The following COL27A1 variants were observed in gnomAD, a reference collection of about 807,000 sequenced individuals.
The protein encoded by COL27A1 is collagen alpha-1(XXVII) chain.
A neutral mutation model predicts 251.3 loss-of-function variants in COL27A1; 106 were observed. The observed-to-expected ratio is 0.42, with a 90% CI of 0.36 to 0.50. The LOEUF (loss-of-function observed/expected upper bound fraction) is 0.50. COL27A1 is among the 20% of genes least tolerant of loss of function. The pLI is 0.00. For missense variants in COL27A1, 2,325 were observed against 2,522.8 expected, an observed-to-expected ratio of 0.92 and a Z score of 1.68; for synonymous variants, 1,000 against 986.3, an observed-to-expected ratio of 1.01 and a Z score of -0.26.
chr9:114,273,956 T>C (rs1835320014), intron 36 of COL27A1: 1 of 152,332 alleles, frequency 6.6e-6, no homozygotes, highest in Non-Finnish European at 1.5e-5. Flanking sequence ...AAAAAGCCCA[T>C]GCCAGCCTGG....
chr9:114,184,081 T>C (rs1031953838), intron 5 of COL27A1, among the ~76,000 whole-genome samples: 2 of 150,364 alleles, frequency 1.3e-5, no homozygotes, highest in Non-Finnish European at 3.0e-5. Flanking sequence ...CTAAAGTCCC[T>C]GAAGCTAAGA....
chr9:114,228,256 G>A lies in COL27A1; in HGVS notation c.2467-2823G>A, dbSNP rs538916344. On this transcript the variant is annotated intron_variant, in intron 14 of 60. Coordinates refer to ENST00000356083, the MANE Select transcript of COL27A1 (RefSeq NM_032888.4). The stretch of plus-strand genomic sequence containing the variant: ...CCACACAACAAGCCACTTCAGGCCT[G>A]GAGGGAGGAAGAAAGAGCCTGTGTT... Among the ~76,000 whole-genome samples, 223 of 152,368 alleles carry A rather than the reference G, an allele frequency of 1.5e-3. 1 individual carries two copies. Among genetic ancestry groups the A allele is most frequent in the African/African-American group, 5.2e-3 (217 of 41,596 alleles).
rs955490237 is a variant in COL27A1, at chr9:114,209,605, G to A, written c.2269-70G>A. ...GGATGTGGGATGGCAGTGGTGGGTG[G>A]GCTGCGGCAGGTTGGGCCAGCCACA... On this transcript the variant is annotated intron_variant, in intron 10 of 60. Transcript: ENST00000356083. 6.4e-6 allele frequency: 9 copies of A among 1,404,860 alleles called. No homozygotes were observed. In the African/African-American group the frequency reaches 1.3e-4, roughly 20 times the overall value. The allele number at this position is 1,404,860 out of a possible 1,614,324, so 87.0% of individuals were successfully genotyped here.
At chr9:114,301,015 C>G in intron 51 of COL27A1, 57 bp from the exon 52 acceptor site, 3 of 1,531,078 alleles carry the variant, frequency 2.0e-6, no homozygotes, top group Non-Finnish European at 2.7e-6. Context: ...CCCCGCTCCC[C>G]GTGTCTGTTC....
Position 114,301,498 on chromosome 9 carries a change from C to T in COL27A1, c.4809+36C>T, listed in dbSNP as rs111895877. On this transcript the variant is annotated intron_variant, in intron 54 of 60. Coordinates refer to ENST00000356083, the MANE Select transcript of COL27A1 (RefSeq NM_032888.4). ...TGGGCATGAGGGCTGTGGGGCGGGG[C>T]GTGGGGCGGGCACCCTGCATTCTCC... The T allele has an allele frequency of 7.9e-3, 4,324 of 544,132 alleles. 39 individuals are homozygous for T. The highest frequency in any genetic ancestry group is 0.042 in the Middle Eastern group (65 of 1,564). 33.7% of individuals were successfully genotyped at this position (544,132 alleles called of 1,614,324 possible). A position where few individuals can be genotyped will look rare whatever the true frequency, so the allele number is the denominator to read the frequency against.
Position 114,237,670 on chromosome 9 carries a change from C to G in COL27A1, c.2682C>G (p.Val894=). 1 of 1,614,098 alleles carries G rather than the reference C, an allele frequency of 6.2e-7. No individual in the cohort carries two copies. The highest frequency in any genetic ancestry group is 8.5e-7 in the Non-Finnish European group (1 of 1,179,952). Residue 894 remains valine, a synonymous_variant, in exon 19 of 61, where the codon GTC becomes GTG. Coordinates refer to ENST00000356083, the MANE Select transcript of COL27A1 (RefSeq NM_032888.4). ...ARGKPGPLGK[V]GDKGSIGFPG... ...CCTCTTCTCTTCCACAGGGCAAAGT[C>G]GGAGACAAAGGATCCATTGGGTTTC...
chr9:114,288,343 C>T, intron 41 of COL27A1, 112 bp from the exon 42 acceptor site: 2 of 1,125,156 alleles, frequency 1.8e-6, no homozygotes, highest in Admixed American at 4.0e-5. Flanking sequence ...GTGTCCCCAT[C>T]TGTAACCCTA....
intron 1 of COL27A1, 112 bp downstream of exon 1, chr9:114,156,124 C>T: frequency 3.9e-6 from 5 of 1,271,768 alleles, no homozygotes; most frequent in Non-Finnish European, 5.0e-6. Context: ...AGCTTCCTGC[C>T]CCTTCCTGCG....
At chr9:114,192,283 G>A (rs1211989698) in intron 5 of COL27A1, among the ~76,000 whole-genome samples, 1 of 152,176 alleles carries the variant, frequency 6.6e-6, no homozygotes, top group African/African-American at 2.4e-5. Flanking sequence ...ATCGAGGTGG[G>A]CACAGGCTGG....
intron 12 of COL27A1, among the ~76,000 whole-genome samples, chr9:114,218,808 T>C (rs1253468353): frequency 6.6e-6 from 1 of 152,186 alleles, no homozygotes; most frequent in East Asian, 1.9e-4. Context: ...GTTTTGTTTG[T>C]AGGTTTGGTC....
chr9:114,301,952 G>A, intron 55 of COL27A1, 130 bp from the exon 56 acceptor site: 1 of 1,040,630 alleles, frequency 9.6e-7, no homozygotes, highest in Non-Finnish European at 1.5e-6. Flanking sequence ...GGCCCACCAA[G>A]CCTCCGGGAA....
intron 33 of COL27A1, among the ~76,000 whole-genome samples, chr9:114,267,206 T>G (rs759254880): frequency 6.6e-6 from 1 of 152,166 alleles, no homozygotes; most frequent in Non-Finnish European, 1.5e-5. Flanking sequence ...TTGTGAATCA[T>G]GAAATTTTCT....
intron 22 of COL27A1, among the ~76,000 whole-genome samples, chr9:114,242,516 C>T (rs1039156273): frequency 1.3e-5 from 2 of 152,238 alleles, no homozygotes; most frequent in African/African-American, 4.8e-5. Context: ...AAGAGGCAAA[C>T]GAGAGTGAAG....
chr9:114,160,671 CA>C (rs36110888), intron 1 of COL27A1, among the ~76,000 whole-genome samples: 13 of 111,482 alleles, frequency 1.2e-4, no homozygotes, highest in South Asian at 2.9e-4. Flanking sequence ...GACTCTGTCT[CA>C]AAAAAAAAAA....
At chr9:114,246,123 G>A (rs1833115705) in intron 24 of COL27A1, 3 of 507,598 alleles carry the variant, frequency 5.9e-6, no homozygotes, top group South Asian at 2.9e-5. Flanking sequence ...TCATAGTCAC[G>A]ACAGCTTTTC....
chr9:114,250,534 A>G (rs1588767967), intron 24 of COL27A1, 81 bp from the exon 25 acceptor site: 1 of 1,335,588 alleles, frequency 7.5e-7, no homozygotes, highest in African/African-American at 1.4e-5. Context: ...CACCTGGGAG[A>G]TGAGCTTCAG....
intron 50 of COL27A1, 70 bp downstream of exon 50, chr9:114,300,193 T>A: frequency 6.8e-7 from 1 of 1,469,360 alleles, no homozygotes; most frequent in Admixed American, 1.7e-5. Flanking sequence ...ATTTATTCAT[T>A]CAACAAATAT....
intron 32 of COL27A1, 94 bp downstream of exon 32, chr9:114,265,569 AC>A: frequency 7.7e-7 from 1 of 1,304,728 alleles, no homozygotes; most frequent in Non-Finnish European, 1.1e-6. Context: ...TTGGAAAGGG[AC>A]CATGCCTGGC....
chr9:114,266,825 G>A (rs1160473603), intron 33 of COL27A1, among the ~76,000 whole-genome samples: 1 of 152,196 alleles, frequency 6.6e-6, no homozygotes, highest in Non-Finnish European at 1.5e-5. Flanking sequence ...CTGGCTCCTA[G>A]TCCAGGGGCA....
Sources: gnomAD v4.1 joint callset for allele counts (sites outside exome capture counted in the v4.1 genomes callset) on GRCh38, gnomAD v4.1.1 for gene constraint, MANE v1.5 for transcripts, NCBI Gene and HGNC (gene_info 2026-07-23, HGNC 2026-07-21) for gene names.